The following CROCC2 variants were observed in gnomAD, a reference collection of about 807,000 sequenced individuals.
The protein encoded by CROCC2 is ciliary rootlet coiled-coil, rootletin family member 2.
A neutral mutation model predicts 177.6 loss-of-function variants in CROCC2; 163 were observed. The observed-to-expected ratio is 0.92, with a 90% CI of 0.81 to 1.05. The LOEUF (loss-of-function observed/expected upper bound fraction) is 1.05. CROCC2 is among the 50% of genes least tolerant of loss of function. The pLI is 0.00. For missense variants in CROCC2, 1,929 were observed against 1,797.8 expected (o/e 1.07, Z -1.32); for synonymous variants, 904 against 787.3 (o/e 1.15, Z -2.48).
chr2:240,948,849 A>G, intron 15 of CROCC2, 130 bp from the exon 16 acceptor site: 1 of 860,052 alleles, frequency 1.2e-6, no homozygotes, highest in Admixed American at 2.4e-5. Flanking sequence ...ATGCACCATA[A>G]TTTCTAAAAC....
Position 240,963,729 on chromosome 2 carries a change from C to G in CROCC2, c.3261C>G (p.Ser1087Arg). 6.5e-7 allele frequency: 1 copy of G among 1,550,158 alleles called. No individual in the cohort carries two copies. Among genetic ancestry groups the G allele is most frequent in the African/African-American group, 1.4e-5 (1 of 73,156 alleles). ...REKDVLLLFN[S>R]ELRATICRAE... ...AGGACGTACTGTTGCTTTTCAACAGCGAGCTGCGGGCCACCATCTGCAGGG... is the reference window on the plus strand; with the variant it reads ...AGGACGTACTGTTGCTTTTCAACAGGGAGCTGCGGGCCACCATCTGCAGGG... Residue 1087 changes from serine (S) to arginine (R), a missense_variant, in exon 21 of 32, where the codon AGC (serine) becomes AGG (arginine). By Grantham distance (110) the Ser-to-Arg change is moderately radical. Transcript: ENST00000690015.
chr2:240,946,879 A>C (rs1408365537), intron 15 of CROCC2, among the ~76,000 whole-genome samples: 1 of 152,230 alleles, frequency 6.6e-6, no homozygotes. Flanking sequence ...TGGAGCCAGA[A>C]GCAGGGTCAG....
chr2:240,938,387 A>G (rs2059481101), intron 14 of CROCC2, among the ~76,000 whole-genome samples: 1 of 152,216 alleles, frequency 6.6e-6, no homozygotes, highest in Non-Finnish European at 1.5e-5. Context: ...AACGGATCAT[A>G]TATGTGGGAT....
Position 240,959,391 on chromosome 2 carries a change from C to T in CROCC2, c.3034C>T (p.Leu1012=). The T allele has an allele frequency of 6.4e-7, 1 of 1,550,532 alleles. No homozygotes were observed. Among genetic ancestry groups the T allele is most frequent in the Non-Finnish European group, 8.7e-7 (1 of 1,146,914 alleles). The change falls in exon 20 of 32, where the codon CTA becomes TTA. Residue 1012 remains leucine, a synonymous_variant. Transcript: ENST00000690015. ...ITAHQRETTA[L]RESLQDLAAE... ...AGCCCATCAGAGGGAGACCACGGCC[C>T]TACGCGAGAGCCTCCAGGACCTAGC... is the stretch of plus-strand genomic sequence containing the variant.
chr2:240,948,379 G>A (rs1263527417), intron 15 of CROCC2, among the ~76,000 whole-genome samples: 21 of 152,202 alleles, frequency 1.4e-4, no homozygotes, highest in Admixed American at 1.4e-3. Context: ...GGTCTCTGTG[G>A]CCCATGGCCC....
chr2:240,949,465 T>C lies in CROCC2; in HGVS notation c.2483-68T>C. 1 of 1,512,294 alleles carries C rather than the reference T, an allele frequency of 6.6e-7. No individual in the cohort carries two copies. The allele number at this position is 1,512,294 out of a possible 1,614,324, so 93.7% of individuals were successfully genotyped here. A position where few individuals can be genotyped will look rare whatever the true frequency, so the allele number is the denominator to read the frequency against. On this transcript the variant is annotated intron_variant, in intron 16 of 31. Coordinates refer to ENST00000690015, the MANE Select transcript of CROCC2 (RefSeq NM_001351305.2). This position sits in a 1 kb window ranked among gnomAD's most constrained non-coding sequence, Gnocchi z 4.5. ...GCTTGCCCCCAAGACTGTCACTCCCTAGGAAGTCCCAAAGGGTTCAGGGGT... is the reference window on the plus strand; with the variant it reads ...GCTTGCCCCCAAGACTGTCACTCCCCAGGAAGTCCCAAAGGGTTCAGGGGT...
intron 4 of CROCC2, among the ~76,000 whole-genome samples, chr2:240,923,316 C>A (rs2059369402): frequency 6.6e-6 from 1 of 151,870 alleles, no homozygotes; most frequent in Admixed American, 6.6e-5. Context: ...ACCCTGGCAA[C>A]AGACCCTGGC....
At chr2:240,919,481 C>A (rs1029704867) in intron 2 of CROCC2, among the ~76,000 whole-genome samples, 2 of 152,182 alleles carry the variant, frequency 1.3e-5, no homozygotes, top group Non-Finnish European at 2.9e-5. Context: ...AGCTCCAGGC[C>A]GCCTGTCCTG....
intron 28 of CROCC2, chr2:240,986,174 T>C (rs1367046628): frequency 3.0e-6 from 1 of 335,374 alleles, no homozygotes; most frequent in Non-Finnish European, 6.0e-6. Flanking sequence ...GGGTGGTGCA[T>C]CACATGGGCA....
At chr2:240,948,298 C>A (rs527478770) in intron 15 of CROCC2, among the ~76,000 whole-genome samples, 1 of 152,038 alleles carries the variant, frequency 6.6e-6, no homozygotes, top group East Asian at 1.9e-4. Flanking sequence ...TGCTCTACCC[C>A]GATGAAGGGG....
intron 26 of CROCC2, chr2:240,967,681 C>A: frequency 4.4e-6 from 3 of 679,144 alleles, no homozygotes; most frequent in Non-Finnish European, 5.5e-6. Flanking sequence ...AGAGGAGTGA[C>A]GTCCACAGGC....
intron 28 of CROCC2, chr2:240,983,642 C>T: frequency 1.6e-6 from 2 of 1,279,494 alleles, no homozygotes; most frequent in African/African-American, 1.5e-5. Context: ...CGCAGGGGCG[C>T]GGCTGGGAGA....
rs746931364 is a variant in CROCC2 at position 240,933,246 on chromosome 2, G to C, written c.1367G>C (p.Arg456Pro). ...AAQKLQQERA[R>P]EQAREREALR... ...CAGAAGCTCCAGCAGGAGCGGGCTC[G>C]GGAGCAGGCACGGGAACGAGAGGCT... The change falls in exon 10 of 32, where the codon CGG becomes CCG. Residue 456 changes from arginine (R) to proline (P), a missense_variant. Physicochemically the swap from Arg to Pro is moderately radical, Grantham distance 103. Transcript: ENST00000690015. The C allele has an allele frequency of 1.3e-6, 2 of 1,549,238 alleles. No individual in the cohort carries two copies. Among genetic ancestry groups the C allele is most frequent in the African/African-American group, 2.7e-5 (2 of 73,150 alleles).
chr2:240,967,352 C>G lies in CROCC2; in HGVS notation c.4154C>G (p.Ser1385Cys). The change falls in exon 26 of 32, where the codon TCC (serine) becomes TGC (cysteine). Residue 1385 changes from serine (S) to cysteine (C), a missense_variant. Ser to Cys is a moderately radical substitution (Grantham distance 112, BLOSUM62 -1). Transcript: ENST00000690015. ...LREAQRERDDSRIQMATLSSR... is the reference protein window; with the variant it reads ...LREAQRERDDCRIQMATLSSR... The stretch of plus-strand genomic sequence containing the variant: ...CTCAGTCCTTCTGCCCAGGATGACT[C>G]CCGCATCCAGATGGCGACCCTGAGC... 1.4e-6 allele frequency: 1 copy of G among 722,648 alleles called. No homozygotes were observed. The allele number at this position is 722,648 out of a possible 1,614,324, so 44.8% of individuals were successfully genotyped here.
Position 240,933,154 on chromosome 2 carries a change from C to T in CROCC2, c.1275C>T (p.Ser425=), listed in dbSNP as rs1290763238. The T allele has an allele frequency of 3.9e-6, 6 of 1,549,918 alleles. No homozygotes were observed. Among genetic ancestry groups the T allele is most frequent in the East Asian group, 2.4e-5 (1 of 40,916 alleles). ...REQELCLQLK[S]SQALVASLQE... is the part of the protein sequence containing the mutation. Reference sequence around the variant, plus strand: ...AGGAGCTGTGCCTGCAGCTGAAGTCCTCCCAGGCACTGGTGGCCAGTCTCC... The same window carrying T: ...AGGAGCTGTGCCTGCAGCTGAAGTCTTCCCAGGCACTGGTGGCCAGTCTCC... Residue 425 remains serine, a synonymous_variant, in exon 10 of 32, where the codon TCC becomes TCT. Coordinates refer to ENST00000690015, the MANE Select transcript of CROCC2 (RefSeq NM_001351305.2).
Position 240,958,743 on chromosome 2 carries a change from C to A in CROCC2, c.2944-558C>A. On this transcript the variant is annotated intron_variant, in intron 19 of 31. Transcript: ENST00000690015. The surrounding 1 kb of genome is among the most constrained non-coding windows in gnomAD (Gnocchi z 6.7). Reference sequence around the variant, plus strand: ...ATCTGCCCTGCTGCCGCAACCTGGGCAGGGGTGCAGTGGGGAGGGCCTTGA... The same window carrying A: ...ATCTGCCCTGCTGCCGCAACCTGGGAAGGGGTGCAGTGGGGAGGGCCTTGA... 1 of 256,602 alleles carries A rather than the reference C, an allele frequency of 3.9e-6. No individual in the cohort carries two copies. The highest frequency in any genetic ancestry group is 6.1e-6 in the Non-Finnish European group (1 of 163,504). 15.9% of individuals were successfully genotyped at this position (256,602 alleles called of 1,614,324 possible).
intron 5 of CROCC2, chr2:240,929,841 A>T: frequency 2.1e-6 from 1 of 484,602 alleles, no homozygotes; most frequent in South Asian, 1.7e-5. Flanking sequence ...AGTTCCTGAG[A>T]GTAGCTGGGG....
At position 240,964,576 on chromosome 2, in the gene CROCC2, A is replaced by G. The variant is rs1394688374; in HGVS notation, c.3416A>G (p.Glu1139Gly). ...CTGCGGGCCCACCTGTGGGAGCTGG[A>G]GCAGGCAGGGGGGGACGCCCGTCAG... ...SALRAHLWEL[E>G]QAGGDARQEL... is the part of the protein sequence containing the mutation. Residue 1139 changes from glutamate (E) to glycine (G), a missense_variant, in exon 22 of 32, where the codon GAG (glutamate) becomes GGG (glycine). Physicochemically the swap from Glu to Gly is moderately conservative, Grantham distance 98 (BLOSUM62 -2). Transcript: ENST00000690015. 1 of 1,549,686 alleles carries G rather than the reference A, an allele frequency of 6.5e-7. No individual in the cohort carries two copies.
chr2:240,981,230 G>T (rs1319536833), intron 27 of CROCC2, among the ~76,000 whole-genome samples: 3 of 151,292 alleles, frequency 2.0e-5, no homozygotes, highest in Non-Finnish European at 4.4e-5. Flanking sequence ...GCTCATCCCT[G>T]CTCAGTCTCT....
Sources: allele counts gnomAD v4.1 joint callset (sites outside exome capture counted in the v4.1 genomes callset), GRCh38; gene constraint gnomAD v4.1.1; non-coding constraint Gnocchi (gnomAD v3.1); transcripts MANE v1.5; gene names NCBI Gene and HGNC (gene_info 2026-07-23, HGNC 2026-07-21).